TMED10: variants seen among roughly 807,000 people sequenced by gnomAD.
TMED10 encodes the protein transmembrane emp24 domain-containing protein 10.
TMED10 carries 7 observed loss-of-function variants against 23.1 expected under a neutral mutation model. The observed-to-expected ratio is 0.30, with a 90% CI of 0.17 to 0.57. The LOEUF is 0.57. Ranked by LOEUF, TMED10 falls within the 20% of genes least tolerant of loss-of-function variation. The pLI is 0.91. For missense variants in TMED10, 162 were observed against 274.8 expected, an observed-to-expected ratio of 0.59 and a Z score of 2.90; for synonymous variants, 113 against 106.9, an observed-to-expected ratio of 1.06 and a Z score of -0.35.
At chr14:75,171,342 C>T (rs1250470455) in intron 1 of TMED10, among the ~76,000 whole-genome samples, 5 of 151,568 alleles carry the variant, frequency 3.3e-5, no homozygotes, top group South Asian at 2.1e-4. Context: ...TGCCGTGGCA[C>T]GATCTCGGCT....
At chr14:75,164,229 C>CTTT (rs765743077) in intron 1 of TMED10, among the ~76,000 whole-genome samples, 16 of 118,486 alleles carry the variant, frequency 1.4e-4, no homozygotes, top group East Asian at 6.9e-4. Flanking sequence ...CCATGCCCGG[C>CTTT]TTTTTTTTTT....
At chr14:75,170,621 A>G (rs1896221719) in intron 1 of TMED10, among the ~76,000 whole-genome samples, 1 of 152,240 alleles carries the variant, frequency 6.6e-6, no homozygotes, top group African/African-American at 2.4e-5. Context: ...GAAGCCAACA[A>G]TTAAAAAGAG....
At chr14:75,163,410 G>C (rs998153202) in intron 1 of TMED10, among the ~76,000 whole-genome samples, 1 of 151,622 alleles carries the variant, frequency 6.6e-6, no homozygotes, top group East Asian at 1.9e-4. Context: ...AAAACTAGCC[G>C]GGCATGGTGG....
rs147155435 is a variant in TMED10, at chr14:75,150,892, G to A, written c.337+1140C>T. Among the ~76,000 whole-genome samples the A allele has an allele frequency of 2.3e-3, 355 of 152,174 alleles. 1 individual carries two copies. Among genetic ancestry groups the A allele is most frequent in the African/African-American group, 7.9e-3 (327 of 41,534 alleles). ...TAATTTTTCTCTCTGCATTTGCCTG[G>A]CAAACAGACAATCCTTTTTGTTTGT... On this transcript the variant is annotated intron_variant, in intron 2 of 4. Transcript: ENST00000303575.
Position 75,132,064 on chromosome 14 carries a change from G to A in TMED10, c.*2821C>T, listed in dbSNP as rs1215708007. 6.6e-6 allele frequency: 1 copy of A among 152,558 alleles called. No individual in the cohort carries two copies. The highest frequency in any genetic ancestry group is 6.5e-5 in the Admixed American group (1 of 15,280). 9.5% of individuals were successfully genotyped at this position (152,558 alleles called of 1,614,324 possible). A position where few individuals can be genotyped will look rare whatever the true frequency, so the allele number is the denominator to read the frequency against. On this transcript the variant is annotated 3_prime_UTR_variant, in exon 5 of 5. Coordinates refer to ENST00000303575, the MANE Select transcript of TMED10 (RefSeq NM_006827.6). ...GGAAAGAAAATCTTGTTAGGCTAACGGTACATGATAGAAATTTCACATTTA... is the reference window on the plus strand; with the variant it reads ...GGAAAGAAAATCTTGTTAGGCTAACAGTACATGATAGAAATTTCACATTTA...
At position 75,132,398 on chromosome 14, in the gene TMED10, A is replaced by ACCCC. The variant is rs1566667203; in HGVS notation, c.*2486_*2487insGGGG. ...GCAAGACTCCGTCCCCCCCCCCCCA[A>ACCCC]AAAAAAAAAAGTTTAAGGATGTATC... is the stretch of plus-strand genomic sequence containing the variant. On this transcript the variant is annotated 3_prime_UTR_variant, in exon 5 of 5. Coordinates refer to ENST00000303575, the MANE Select transcript of TMED10 (RefSeq NM_006827.6). 7.6e-5 allele frequency: 4 copies of ACCCC among 52,416 alleles called. No individual in the cohort carries two copies. Among genetic ancestry groups the ACCCC allele is most frequent in the South Asian group, 8.4e-4 (1 of 1,194 alleles). The allele number at this position is 52,416 out of a possible 1,614,324, so 3.2% of individuals were successfully genotyped here. A position where few individuals can be genotyped will look rare whatever the true frequency, so the allele number is the denominator to read the frequency against.
intron 1 of TMED10, among the ~76,000 whole-genome samples, chr14:75,171,337 T>C (rs1896230962): frequency 6.6e-6 from 1 of 151,726 alleles, no homozygotes; most frequent in African/African-American, 2.4e-5. Context: ...TGGAGTGCCG[T>C]GGCACGATCT....
At chr14:75,162,819 T>A (rs1426948270) in intron 1 of TMED10, among the ~76,000 whole-genome samples, 1 of 151,320 alleles carries the variant, frequency 6.6e-6, no homozygotes, top group Non-Finnish European at 1.5e-5. Flanking sequence ...AAAAAAAAAA[T>A]GACATTTTAT....
At chr14:75,148,072 TAAAACTC>T (rs746698679) in intron 2 of TMED10, among the ~76,000 whole-genome samples, 14 of 152,016 alleles carry the variant, frequency 9.2e-5, no homozygotes, top group African/African-American at 1.4e-4. Context: ...AATTGGGAAA[TAAAACTC>T]AAAAATCAAA....
At chr14:75,164,158 C>T (rs538689778) in intron 1 of TMED10, among the ~76,000 whole-genome samples, 62 of 151,110 alleles carry the variant, frequency 4.1e-4, no homozygotes, top group Admixed American at 1.7e-3. Context: ...CTCTGACTCC[C>T]GGGTTCAAGC....
At chr14:75,167,634 G>A (rs182389947) in intron 1 of TMED10, among the ~76,000 whole-genome samples, 65 of 152,210 alleles carry the variant, frequency 4.3e-4, no homozygotes, top group African/African-American at 1.5e-3. Context: ...ACTCTTTAAG[G>A]GATCTGTTTG....
intron 1 of TMED10, among the ~76,000 whole-genome samples, chr14:75,174,534 T>C (rs1360420921): frequency 1.3e-5 from 2 of 152,088 alleles, no homozygotes; most frequent in Admixed American, 6.6e-5. Context: ...GGAAACACTA[T>C]ATCTAAGCTT....
chr14:75,157,124 G>A (rs1896029640), intron 1 of TMED10, among the ~76,000 whole-genome samples: 4 of 152,072 alleles, frequency 2.6e-5, no homozygotes, highest in Admixed American at 2.0e-4. Context: ...CATTTCTAGC[G>A]GTACAACCTA....
chr14:75,164,577 ATTTTTTT>A (rs60845992), intron 1 of TMED10, among the ~76,000 whole-genome samples: 20 of 45,118 alleles, frequency 4.4e-4, no homozygotes, highest in African/African-American at 4.4e-3. Context: ...ATATATATAT[ATTTTTTT>A]TTTTTTTTTT....
Position 75,134,294 on chromosome 14 carries a change from TAA to T in TMED10, c.*589_*590del, listed in dbSNP as rs1394905780. ...TAATTGTCTAAAATGACATTTTCTT[TAA>T]GAGTTATCTACAGTTCAAAGCTCAC... is the stretch of plus-strand genomic sequence containing the variant. On this transcript the variant is annotated 3_prime_UTR_variant, in exon 5 of 5. Coordinates refer to ENST00000303575, the MANE Select transcript of TMED10 (RefSeq NM_006827.6). 1 of 154,056 alleles carries T rather than the reference TAA, an allele frequency of 6.5e-6. No homozygotes were observed. Among genetic ancestry groups the T allele is most frequent in the East Asian group, 1.9e-4 (1 of 5,220 alleles). The allele number at this position is 154,056 out of a possible 1,614,324, so 9.5% of individuals were successfully genotyped here.
intron 1 of TMED10, among the ~76,000 whole-genome samples, chr14:75,157,787 A>G (rs1366957180): frequency 6.6e-6 from 1 of 151,880 alleles, no homozygotes; most frequent in Non-Finnish European, 1.5e-5. Context: ...TAAAAATACA[A>G]AAATTAGTTG....
intron 1 of TMED10, among the ~76,000 whole-genome samples, chr14:75,175,259 C>T (rs1896288996): frequency 6.6e-6 from 1 of 152,064 alleles, no homozygotes; most frequent in South Asian, 2.1e-4. Context: ...GGTATTATGG[C>T]AGTAGTTGTC....
intron 2 of TMED10, among the ~76,000 whole-genome samples, chr14:75,148,977 C>T (rs936251864): frequency 3.3e-5 from 5 of 152,208 alleles, no homozygotes; most frequent in African/African-American, 1.2e-4. Context: ...CAGTGGCACG[C>T]ACCATCATGG....
At chr14:75,167,045 G>A (rs1287885572) in intron 1 of TMED10, among the ~76,000 whole-genome samples, 3 of 150,388 alleles carry the variant, frequency 2.0e-5, no homozygotes, top group Admixed American at 1.3e-4. Flanking sequence ...AGGTTCAAGC[G>A]ATTCTCCTGC....
Sources: allele counts gnomAD v4.1 joint callset (sites outside exome capture counted in the v4.1 genomes callset), GRCh38; gene constraint gnomAD v4.1.1; transcripts MANE v1.5; gene names NCBI Gene and HGNC (gene_info 2026-07-23, HGNC 2026-07-21).